Variants in PTPRD observed in about 807,000 individuals in gnomAD.
PTPRD encodes receptor-type tyrosine-protein phosphatase delta.
PTPRD carries 34 observed loss-of-function variants against 214.5 expected under a neutral mutation model. The ratio of observed to expected loss-of-function variants is 0.16; its 90% confidence interval spans 0.12 to 0.21. PTPRD has a LOEUF of 0.21. PTPRD is among the 10% of genes least tolerant of loss of function. The pLI is 1.00. For synonymous variants in PTPRD, 1,128 were observed against 845.7 expected, an observed-to-expected ratio of 1.33 and a Z score of -5.79; for missense variants, 2,545 against 2,398.7, an observed-to-expected ratio of 1.06 and a Z score of -1.27.
At chr9:10,175,542 A>AT (rs1292271234) in intron 3 of PTPRD, among the ~76,000 whole-genome samples, 3 of 152,052 alleles carry the variant, frequency 2.0e-5, no homozygotes, top group East Asian at 1.9e-4. Flanking sequence ...ATGGCCTAAG[A>AT]TTTTTTATGT....
At chr9:9,431,130 G>A (rs2082926754) in intron 8 of PTPRD, among the ~76,000 whole-genome samples, 1 of 152,140 alleles carries the variant, frequency 6.6e-6, no homozygotes, top group Non-Finnish European at 1.5e-5. Flanking sequence ...TACAGAATGG[G>A]AGAAAATGTT....
intron 10 of PTPRD, among the ~76,000 whole-genome samples, chr9:9,119,598 C>T (rs966966318): frequency 2.6e-5 from 4 of 151,536 alleles, no homozygotes; most frequent in African/African-American, 7.3e-5. Flanking sequence ...GGCACAATCT[C>T]GGCTCACTGC....
At chr9:9,054,730 C>T (rs2099693081) in intron 10 of PTPRD, among the ~76,000 whole-genome samples, 1 of 152,074 alleles carries the variant, frequency 6.6e-6, no homozygotes, top group African/African-American at 2.4e-5. Flanking sequence ...GTGTGTTTGC[C>T]ATTGTTGTGT....
chr9:8,348,492 C>T (rs118074504), intron 39 of PTPRD, among the ~76,000 whole-genome samples: 193 of 152,188 alleles, frequency 1.3e-3, no homozygotes, highest in Non-Finnish European at 1.9e-3. Flanking sequence ...CATTGCTTCA[C>T]GGTCTTTGTT....
At chr9:9,195,086 G>GTGTATATATATA (rs1554959656) in intron 9 of PTPRD, among the ~76,000 whole-genome samples, 1 of 131,172 alleles carries the variant, frequency 7.6e-6, no homozygotes, top group African/African-American at 2.7e-5. Flanking sequence ...GTGTGTTTGT[G>GTGTATATATATA]TATATATATA....
chr9:9,595,130 T>A (rs2093166058), intron 7 of PTPRD, among the ~76,000 whole-genome samples: 1 of 151,598 alleles, frequency 6.6e-6, no homozygotes, highest in South Asian at 2.1e-4. Context: ...GCTTCTACGC[T>A]GCTGATGGGA....
chr9:10,123,706 G>A lies in PTPRD; in HGVS notation c.-544-89916C>T, dbSNP rs147375840. Among the ~76,000 whole-genome samples the A allele has an allele frequency of 6.6e-5, 10 of 152,254 alleles. No individual in the cohort carries two copies. The East Asian group carries it at 1.5e-3, about 24-fold the overall frequency. On this transcript the variant is annotated intron_variant, in intron 3 of 45. Transcript: ENST00000381196. Reference sequence around the variant, plus strand: ...AAAACAGAAATAAAGAAAAATGACCGCATTAGTTCTACCTTGGAATAGTGA... The same window carrying A: ...AAAACAGAAATAAAGAAAAATGACCACATTAGTTCTACCTTGGAATAGTGA...
chr9:8,859,172 T>A (rs1335317957), intron 11 of PTPRD, among the ~76,000 whole-genome samples: 1 of 152,234 alleles, frequency 6.6e-6, no homozygotes, highest in East Asian at 1.9e-4. Flanking sequence ...ACCAAAATCT[T>A]AGTGTGATAA....
intron 31 of PTPRD, among the ~76,000 whole-genome samples, chr9:8,469,858 C>T (rs558955381): frequency 1.3e-5 from 2 of 152,072 alleles, no homozygotes; most frequent in Non-Finnish European, 2.9e-5. Flanking sequence ...ATCATAAATC[C>T]CGCTTCTAGA....
rs1434473501 is a variant in PTPRD, at chr9:10,287,646, C to G, written c.-545+53317G>C. ...GAAGCCTCATAGTTCCAGGTGGAGT[C>G]TGTTCTCTCTTCTACTGGGCAGGAT... On this transcript the variant is annotated intron_variant, in intron 3 of 45. Transcript: ENST00000381196. 3.9e-5 allele frequency among the ~76,000 whole-genome samples: 6 copies of G among 152,060 alleles called. 1 individual carries two copies. The highest frequency in any genetic ancestry group is 8.8e-5 in the Non-Finnish European group (6 of 68,030).
chr9:9,046,463 A>G (rs10759034), intron 10 of PTPRD, among the ~76,000 whole-genome samples: 22,295 of 151,968 alleles, frequency 0.15, 2,054 homozygotes, highest in East Asian at 0.42. Flanking sequence ...GACTTAATTC[A>G]GGATATATCT....
At chr9:10,387,006 A>T (rs1306541981) in intron 2 of PTPRD, among the ~76,000 whole-genome samples, 5 of 151,724 alleles carry the variant, frequency 3.3e-5, no homozygotes, top group African/African-American at 4.8e-5. Context: ...TGCTGGTTCA[A>T]ATGTGGAAGG....
chr9:10,412,479 C>T (rs1425926298), intron 2 of PTPRD, among the ~76,000 whole-genome samples: 2 of 151,708 alleles, frequency 1.3e-5, no homozygotes, highest in Non-Finnish European at 2.9e-5. Context: ...TAGCCAAATT[C>T]TACCAGACCT....
chr9:8,363,120 C>T (rs1254885519), intron 39 of PTPRD, among the ~76,000 whole-genome samples: 1 of 152,104 alleles, frequency 6.6e-6, no homozygotes, highest in African/African-American at 2.4e-5. Flanking sequence ...TCTGTTTGTC[C>T]ATACAAAAAT....
At chr9:10,031,156 T>A (rs775644371) in intron 4 of PTPRD, among the ~76,000 whole-genome samples, 1 of 152,122 alleles carries the variant, frequency 6.6e-6, no homozygotes, top group Non-Finnish European at 1.5e-5. Context: ...GCACTATGAC[T>A]TGGTTAGGCA....
chr9:9,199,883 G>C (rs1030030475), intron 9 of PTPRD, among the ~76,000 whole-genome samples: 1 of 152,130 alleles, frequency 6.6e-6, no homozygotes, highest in Non-Finnish European at 1.5e-5. Context: ...TGGCATTAGA[G>C]AATTTGCTTT....
In PTPRD at chr9:9,573,415, T is replaced by TA. The variant is rs1563781044; in HGVS notation, c.-237+1316_-237+1317insT. Among the ~76,000 whole-genome samples the TA allele has an allele frequency of 2.1e-3, 313 of 150,018 alleles. 1 individual carries two copies. Among genetic ancestry groups the TA allele is most frequent in the African/African-American group, 6.8e-3 (280 of 41,216 alleles). Reference sequence around the variant, plus strand: ...CTCAAAGTACTCTAATGTTCTTTTTTTAAAAAAAAAAAACTTATGTCAGTA... The same window carrying TA: ...CTCAAAGTACTCTAATGTTCTTTTTTATAAAAAAAAAAAACTTATGTCAGTA... On this transcript the variant is annotated intron_variant, in intron 8 of 45. Transcript: ENST00000381196.
intron 7 of PTPRD, among the ~76,000 whole-genome samples, chr9:9,575,717 CAAAAAAAAAAAAA>C (rs757614546): frequency 2.7e-4 from 9 of 33,310 alleles, no homozygotes; most frequent in East Asian, 1.3e-3. Flanking sequence ...AAGACTGTCT[CAAAAAAAAAAAAA>C]AAAAAAAAAA....
chr9:10,429,870 C>G (rs553377150), intron 2 of PTPRD, among the ~76,000 whole-genome samples: 7 of 151,896 alleles, frequency 4.6e-5, no homozygotes, highest in African/African-American at 1.7e-4. Flanking sequence ...TGTTCCCCTT[C>G]CTTAGACAAA....
Sources: gnomAD v4.1 joint callset for allele counts (sites outside exome capture counted in the v4.1 genomes callset) on GRCh38, gnomAD v4.1.1 for gene constraint, MANE v1.5 for transcripts, NCBI Gene and HGNC (gene_info 2026-07-23, HGNC 2026-07-21) for gene names.